Variants in PDCL3 observed in about 807,000 individuals in gnomAD.
PDCL3 encodes phosducin-like protein 3.
PDCL3 carries 22 observed loss-of-function variants against 26.5 expected under a neutral mutation model. The ratio of observed to expected loss-of-function variants is 0.83; its 90% confidence interval spans 0.59 to 1.19. PDCL3 has a LOEUF of 1.19. Among genes scored for constraint, PDCL3 ranks in the 50% most tolerant of loss-of-function variants. The pLI is 0.00. For missense variants in PDCL3, 246 were observed against 294.1 expected, an observed-to-expected ratio of 0.84 and a Z score of 1.20; for synonymous variants, 81 against 104.9, an observed-to-expected ratio of 0.77 and a Z score of 1.39.
chr2:100,573,011 G>A (rs1207480729), intron 5 of PDCL3, among the ~76,000 whole-genome samples: 4 of 151,478 alleles, frequency 2.6e-5, no homozygotes, highest in Non-Finnish European at 5.9e-5. Flanking sequence ...CAGCGTCTCA[G>A]GTAGCTGGGA....
chr2:100,572,836 A>G (rs1348528704), intron 5 of PDCL3, among the ~76,000 whole-genome samples: 1 of 150,644 alleles, frequency 6.6e-6, no homozygotes, highest in Admixed American at 6.7e-5. Flanking sequence ...AAATTAAATT[A>G]AAATTTTATT....
At chr2:100,571,450 CAT>C (rs1248324223) in intron 4 of PDCL3, 138 bp from the exon 5 acceptor site, 1 of 762,110 alleles carries the variant, frequency 1.3e-6, no homozygotes, top group Non-Finnish European at 2.1e-6. Flanking sequence ...TCAAAAAAAA[CAT>C]GTTAATTCAT....
intron 2 of PDCL3, among the ~76,000 whole-genome samples, chr2:100,568,576 T>A (rs1186478798): frequency 6.6e-6 from 1 of 152,038 alleles, no homozygotes; most frequent in Non-Finnish European, 1.5e-5. Context: ...AGGTTCTCAG[T>A]GAGTCAAGAT....
chr2:100,569,502 A>G (rs1360850129), intron 3 of PDCL3, 76 bp from the exon 4 acceptor site: 11 of 1,499,750 alleles, frequency 7.3e-6, no homozygotes, highest in Non-Finnish European at 9.8e-6. Flanking sequence ...CTGGGCTTTT[A>G]CAAGGATTGC....
At chr2:100,570,915 A>G (rs1049445330) in intron 4 of PDCL3, among the ~76,000 whole-genome samples, 2 of 152,114 alleles carry the variant, frequency 1.3e-5, no homozygotes, top group African/African-American at 2.4e-5. Context: ...TGTTTTGTCA[A>G]ATAAATTGGA....
Position 100,563,018 on chromosome 2 carries a change from G to A in PDCL3, c.-50G>A, listed in dbSNP as rs1414942807. 33 of 1,582,970 alleles carry A rather than the reference G, an allele frequency of 2.1e-5. No homozygotes were observed. Among genetic ancestry groups the A allele is most frequent in the Non-Finnish European group, 2.7e-5 (32 of 1,165,174 alleles). On this transcript the variant is annotated 5_prime_UTR_variant, in exon 1 of 6. Coordinates refer to ENST00000264254, the MANE Select transcript of PDCL3 (RefSeq NM_024065.5). ...GCGCGTGCACAAAAGAGAGCTGAGG[G>A]GCGGGGGCGCTGCGGCACAGCTGGT... is the stretch of plus-strand genomic sequence containing the variant.
chr2:100,575,900 T>G (rs1675276045), intron 5 of PDCL3, among the ~76,000 whole-genome samples: 1 of 152,072 alleles, frequency 6.6e-6, no homozygotes, highest in African/African-American at 2.4e-5. Flanking sequence ...ATAGGTTTAT[T>G]CTTTGTATTT....
intron 2 of PDCL3, among the ~76,000 whole-genome samples, chr2:100,568,724 C>T (rs1675104843): frequency 6.6e-6 from 1 of 152,006 alleles, no homozygotes; most frequent in Admixed American, 6.6e-5. Context: ...TGTTGTCAGT[C>T]AATAAATTGG....
At chr2:100,569,077 GT>G (rs573688866) in intron 3 of PDCL3, 56 bp downstream of exon 3, 2,524 of 1,302,920 alleles carry the variant, frequency 1.9e-3, no homozygotes, top group Admixed American at 2.6e-3. Flanking sequence ...TTTTGTTTTG[GT>G]TTTTTTTTTG....
Position 100,571,752 on chromosome 2 carries a change from G to T in PDCL3, c.531G>T (p.Gln177His). 1 of 1,614,120 alleles carries T rather than the reference G, an allele frequency of 6.2e-7. No homozygotes were observed. Among genetic ancestry groups the T allele is most frequent in the East Asian group, 2.2e-5 (1 of 44,878 alleles). Residue 177 changes from glutamine to histidine, a missense_variant, in exon 5 of 6, where the codon CAG becomes CAT. Coordinates refer to ENST00000264254, the MANE Select transcript of PDCL3 (RefSeq NM_024065.5). ...ACCTGGAAGGAGATATCAAGGCTCAGTTTATTGGTCCTCTGGTGTTTGGCG... is the reference window on the plus strand; with the variant it reads ...ACCTGGAAGGAGATATCAAGGCTCATTTTATTGGTCCTCTGGTGTTTGGCG... ...FVYLEGDIKA[Q>H]FIGPLVFGGM... is the part of the protein sequence containing the mutation.
At chr2:100,563,184 C>T in intron 1 of PDCL3, 111 bp downstream of exon 1, 1 of 1,368,194 alleles carries the variant, frequency 7.3e-7, no homozygotes, top group Non-Finnish European at 9.8e-7. Context: ...GCCGCAGGCA[C>T]GAGGGAGGCC....
At chr2:100,575,425 G>A (rs185174759) in intron 5 of PDCL3, among the ~76,000 whole-genome samples, 209 of 152,284 alleles carry the variant, frequency 1.4e-3, no homozygotes, top group East Asian at 3.3e-3. Context: ...ATGTGCCACC[G>A]CGCCCGGCCT....
chr2:100,575,414 C>T (rs566948740), intron 5 of PDCL3, among the ~76,000 whole-genome samples: 1 of 151,966 alleles, frequency 6.6e-6, no homozygotes, highest in Non-Finnish European at 1.5e-5. Flanking sequence ...GGATTACAGG[C>T]ATGTGCCACC....
intron 3 of PDCL3, 37 bp downstream of exon 3, chr2:100,569,058 T>C: frequency 6.4e-7 from 1 of 1,570,728 alleles, no homozygotes; most frequent in Non-Finnish European, 8.7e-7. Context: ...GTTTTTTTGT[T>C]GTTGTTTGTT....
chr2:100,565,642 C>G (rs1211573812), intron 1 of PDCL3, among the ~76,000 whole-genome samples: 3 of 152,186 alleles, frequency 2.0e-5, no homozygotes, highest in African/African-American at 7.2e-5. Flanking sequence ...GGAATGTCAC[C>G]TCCTCTGTAG....
chr2:100,569,053 TTTG>T (rs755681000), intron 3 of PDCL3, 32 bp downstream of exon 3: 44 of 1,571,496 alleles, frequency 2.8e-5, no homozygotes, highest in Admixed American at 5.7e-5. Flanking sequence ...TGTTTGTTTT[TTTG>T]TTGTTGTTTG....
chr2:100,567,673 T>C (rs1371043756), intron 2 of PDCL3, among the ~76,000 whole-genome samples: 1 of 152,118 alleles, frequency 6.6e-6, no homozygotes, highest in Non-Finnish European at 1.5e-5. Flanking sequence ...GGCCCTGGCA[T>C]GGCTGGGAAT....
At chr2:100,572,132 G>T in intron 5 of PDCL3, 1 of 295,760 alleles carries the variant, frequency 3.4e-6, no homozygotes, top group Non-Finnish European at 6.3e-6. Context: ...ATGAACACAG[G>T]GAGACGTTAA....
At chr2:100,566,013 C>G (rs947735378) in intron 1 of PDCL3, among the ~76,000 whole-genome samples, 23 of 152,268 alleles carry the variant, frequency 1.5e-4, no homozygotes, top group African/African-American at 5.5e-4. Context: ...ATGCCATTCT[C>G]CTGCCTCAGC....
Sources: gnomAD v4.1 joint callset for allele counts (sites outside exome capture counted in the v4.1 genomes callset) on GRCh38, gnomAD v4.1.1 for gene constraint, MANE v1.5 for transcripts, NCBI Gene and HGNC (gene_info 2026-07-23, HGNC 2026-07-21) for gene names.